The following ADGRF4 variants were observed in gnomAD, a reference collection of about 807,000 sequenced individuals.
The protein encoded by ADGRF4 is G-protein coupled receptor PGR18.
In ADGRF4, 63 loss-of-function variants were observed where a neutral mutation model predicts 58.5. The observed-to-expected ratio is 1.08, with a 90% confidence interval of 0.88 to 1.33. ADGRF4 has a LOEUF of 1.33. Ranked by LOEUF, ADGRF4 falls within the 40% of genes most tolerant of loss-of-function variation. The probability of loss-of-function intolerance (pLI) is 0.00; values close to 1 mark genes in which losing one functional copy is unlikely to be tolerated. For synonymous variants in ADGRF4, 313 were observed against 295.4 expected (o/e 1.06, Z -0.61); for missense variants, 931 against 843.9 (o/e 1.10, Z -1.28).
rs140892790 is a variant in ADGRF4, at chr6:47,712,599, G to C, written c.543G>C (p.Glu181Asp). 392 of 1,570,638 alleles carry C rather than the reference G, an allele frequency of 2.5e-4. No individual in the cohort carries two copies. Among genetic ancestry groups the C allele is most frequent in the Middle Eastern group, 5.0e-4 (3 of 5,996 alleles). Reference protein sequence around the residue: ...STDLSDNVTREKMKSYSEVAN... With the variant: ...STDLSDNVTRDKMKSYSEVAN... Reference sequence around the variant, plus strand: ...ACTTGTCTGATAATGTTACTCGAGAGAAAATGAAGGTATTCTTTGTTAATC... The same window carrying C: ...ACTTGTCTGATAATGTTACTCGAGACAAAATGAAGGTATTCTTTGTTAATC... Residue 181 changes from glutamate (E) to aspartate (D), a missense_variant, in exon 5 of 10, where the codon GAG (glutamate) becomes GAC (aspartate). Transcript: ENST00000283303.
intron 7 of ADGRF4, 88 bp from the exon 8 acceptor site, chr6:47,717,204 G>C: frequency 1.1e-6 from 1 of 898,314 alleles, no homozygotes; most frequent in East Asian, 2.4e-5. Flanking sequence ...CTTCTGCCAG[G>C]GTTACTGGTC....
intron 7 of ADGRF4, 28 bp from the exon 8 acceptor site, chr6:47,717,264 G>GACAT (rs1772043042): frequency 1.3e-6 from 2 of 1,508,412 alleles, no homozygotes; most frequent in East Asian, 4.5e-5. Context: ...CATCTGTGAG[G>GACAT]TACTTCTCAT....
In ADGRF4 at chr6:47,712,514, C is replaced by T. The variant is rs772558447; in HGVS notation, c.458C>T (p.Ser153Leu). Residue 153 changes from serine (S) to leucine (L), a missense_variant, in exon 5 of 10, where the codon TCA becomes TTA. Coordinates refer to ENST00000283303, the MANE Select transcript of ADGRF4 (RefSeq NM_153838.5). ...YACITDMVKS[S>L]ETTSGNIAFI... ...TGCATCACTGACATGGTGAAATCAT[C>T]AGAAACAACATCTGGAAATATTGCA... The T allele has an allele frequency of 6.2e-7, 1 of 1,613,304 alleles. No homozygotes were observed. The highest frequency in any genetic ancestry group is 1.1e-5 in the South Asian group (1 of 91,062).
chr6:47,710,730 T>G lies in ADGRF4; in HGVS notation c.149-5T>G, dbSNP rs1771840346. ...CTCTCTCTCTTTCTCTTTTTTTCTT[T>G]ATAGAGAAATGCGAAGGACCTTGTA... On this transcript the variant is annotated splice_region_variant and splice_polypyrimidine_tract_variant and intron_variant, in intron 3 of 9. Coordinates refer to ENST00000283303, the MANE Select transcript of ADGRF4 (RefSeq NM_153838.5). 1.9e-6 allele frequency: 3 copies of G among 1,584,370 alleles called. No homozygotes were observed. In the East Asian group the frequency reaches 6.8e-5, roughly 36 times the overall value.
chr6:47,712,675 T>G, intron 5 of ADGRF4, 67 bp downstream of exon 5: 1 of 1,252,992 alleles, frequency 8.0e-7, no homozygotes, highest in Non-Finnish European at 1.1e-6. Flanking sequence ...GTTTCAAATA[T>G]ACTTTCCAGG....
chr6:47,709,701 T>G (rs554565279), intron 3 of ADGRF4, among the ~76,000 whole-genome samples: 1 of 152,346 alleles, frequency 6.6e-6, no homozygotes, highest in South Asian at 2.1e-4. Context: ...GCTTTTGTGG[T>G]CATTCACAGA....
At chr6:47,711,223 G>A (rs1771859616) in intron 4 of ADGRF4, among the ~76,000 whole-genome samples, 1 of 152,018 alleles carries the variant, frequency 6.6e-6, no homozygotes, top group African/African-American at 2.4e-5. Flanking sequence ...GTGATAATCA[G>A]TTAATCAACT....
rs138853773 is a variant in ADGRF4 at position 47,710,051 on chromosome 6, G to A, written c.149-684G>A. Among the ~76,000 whole-genome samples, 432 of 152,174 alleles carry A rather than the reference G, an allele frequency of 2.8e-3. 5 individuals are homozygous for A. Among genetic ancestry groups the A allele is most frequent in the African/African-American group, 1.0e-2 (415 of 41,520 alleles). On this transcript the variant is annotated intron_variant, in intron 3 of 9. Coordinates refer to ENST00000283303, the MANE Select transcript of ADGRF4 (RefSeq NM_153838.5). ...CCCATGAGTTCAATGTTAATGAATC[G>A]ACAATATATATTAAATAAGGTATCT...
intron 1 of ADGRF4, 59 bp from the exon 2 acceptor site, chr6:47,707,171 A>T (rs1392144060): frequency 1.1e-6 from 1 of 918,942 alleles, no homozygotes; most frequent in Non-Finnish European, 1.8e-6. Flanking sequence ...CCGGATAAGT[A>T]TTGTTAGTTG....
At chr6:47,709,160 A>C (rs555624950) in intron 3 of ADGRF4, among the ~76,000 whole-genome samples, 11 of 151,066 alleles carry the variant, frequency 7.3e-5, no homozygotes, top group Non-Finnish European at 1.2e-4. Context: ...ACTCTCAGGC[A>C]ACTGGTTACC....
chr6:47,713,280 A>G (rs895227038), intron 5 of ADGRF4, among the ~76,000 whole-genome samples: 1 of 152,224 alleles, frequency 6.6e-6, no homozygotes, highest in Non-Finnish European at 1.5e-5. Context: ...GAGAAAGTTA[A>G]TGGAGATTCC....
chr6:47,705,281 A>T (rs973339227), intron 1 of ADGRF4, among the ~76,000 whole-genome samples: 1 of 152,244 alleles, frequency 6.6e-6, no homozygotes, highest in African/African-American at 2.4e-5. Context: ...GGATACTTTT[A>T]AAACAATTTA....
intron 4 of ADGRF4, among the ~76,000 whole-genome samples, 172 bp from the exon 5 acceptor site, chr6:47,712,185 C>A (rs982833567): frequency 6.6e-6 from 1 of 152,188 alleles, no homozygotes; most frequent in Non-Finnish European, 1.5e-5. Flanking sequence ...AATCCTCTGC[C>A]TCTTTCTGAT....
rs754487576 is a variant in ADGRF4, at chr6:47,714,086, A to G, written c.841A>G (p.Arg281Gly). The change falls in exon 6 of 10, where the codon AGG becomes GGG. Residue 281 changes from arginine (R) to glycine (G), a missense_variant. Transcript: ENST00000283303. The stretch of plus-strand genomic sequence containing the variant: ...GGTACAGATTCCCAGGCAAGAGCTA[A>G]GGAAGCTGTGGCCAAATGCATCCCA... ...GMVQIPRQEL[R>G]KLWPNASQAI... The G allele has an allele frequency of 1.9e-6, 3 of 1,614,020 alleles. No individual in the cohort carries two copies. In the South Asian group the frequency reaches 3.3e-5, roughly 18 times the overall value.
intron 5 of ADGRF4, among the ~76,000 whole-genome samples, chr6:47,713,260 T>A (rs545278736): frequency 8.6e-5 from 5 of 58,406 alleles, no homozygotes; most frequent in African/African-American, 2.4e-4. Flanking sequence ...CTGTAGAACA[T>A]AACCATTCTG....
intron 4 of ADGRF4, among the ~76,000 whole-genome samples, chr6:47,711,324 G>A (rs988409935): frequency 1.4e-4 from 21 of 152,170 alleles, no homozygotes; most frequent in East Asian, 1.2e-3. Flanking sequence ...GTGCAGTGGC[G>A]CAATCTCAGC....
intron 6 of ADGRF4, 82 bp from the exon 7 acceptor site, chr6:47,716,724 A>T: frequency 9.8e-7 from 1 of 1,025,080 alleles, no homozygotes; most frequent in South Asian, 1.3e-5. Context: ...CCTAGGAGGT[A>T]TCTAGAAGAG....
At chr6:47,707,850 G>A (rs182684560) in intron 2 of ADGRF4, among the ~76,000 whole-genome samples, 7 of 152,134 alleles carry the variant, frequency 4.6e-5, no homozygotes, top group Admixed American at 4.6e-4. Flanking sequence ...ACAGTATCTG[G>A]TGGACCACAT....
intron 1 of ADGRF4, among the ~76,000 whole-genome samples, chr6:47,704,714 G>A (rs1771665811): frequency 6.6e-6 from 1 of 152,148 alleles, no homozygotes; most frequent in Admixed American, 6.5e-5. Context: ...AAATAGAATA[G>A]AGAAGAATGT....
Sources: gnomAD v4.1 joint callset for allele counts (sites outside exome capture counted in the v4.1 genomes callset) on GRCh38, gnomAD v4.1.1 for gene constraint, MANE v1.5 for transcripts, NCBI Gene and HGNC (gene_info 2026-07-23, HGNC 2026-07-21) for gene names.